Variants in NRXN1 observed in about 807,000 individuals in gnomAD.
The protein encoded by NRXN1 is neurexin 1.
Under a neutral mutation model 150.9 loss-of-function variants are expected in NRXN1, and 39 were observed. The observed-to-expected ratio is 0.26, with a 90% confidence interval of 0.20 to 0.34. The LOEUF (loss-of-function observed/expected upper bound fraction) is 0.34. NRXN1 is among the 10% of genes least tolerant of loss of function. NRXN1 has a pLI of 1.00. For missense variants in NRXN1, 1,815 were observed against 1,949.9 expected, an observed-to-expected ratio of 0.93 and a Z score of 1.30; for synonymous variants, 924 against 757.0, an observed-to-expected ratio of 1.22 and a Z score of -3.62.
intron 17 of NRXN1, among the ~76,000 whole-genome samples, chr2:50,399,566 C>T (rs11690501): frequency 3.3e-5 from 5 of 151,652 alleles, no homozygotes; most frequent in Non-Finnish European, 5.9e-5. Context: ...TTCAAGGGCT[C>T]TAATTCATGG....
intron 17 of NRXN1, among the ~76,000 whole-genome samples, chr2:50,423,909 A>C (rs1292258723): frequency 6.6e-6 from 1 of 152,128 alleles, no homozygotes; most frequent in African/African-American, 2.4e-5. Flanking sequence ...TGCCATAGGC[A>C]ACAGCAGGTC....
intron 21 of NRXN1, chr2:50,022,670 C>A (rs1459937932): frequency 1.3e-5 from 2 of 152,116 alleles, no homozygotes; most frequent in Non-Finnish European, 2.9e-5. Flanking sequence ...TGATTTATTT[C>A]TTCATACTTT....
At chr2:50,389,809 A>G (rs2081568735) in intron 17 of NRXN1, among the ~76,000 whole-genome samples, 2 of 152,200 alleles carry the variant, frequency 1.3e-5, no homozygotes, top group Admixed American at 6.5e-5. Flanking sequence ...GTGGATATAC[A>G]TATCGTTAAA....
At chr2:50,114,888 G>C (rs1423154759) in intron 18 of NRXN1, among the ~76,000 whole-genome samples, 2 of 151,912 alleles carry the variant, frequency 1.3e-5, no homozygotes, top group Non-Finnish European at 2.9e-5. Flanking sequence ...GTAGAGTACA[G>C]AGGATTTTTA....
intron 8 of NRXN1, among the ~76,000 whole-genome samples, chr2:50,612,858 G>A (rs963094102): frequency 3.3e-5 from 5 of 152,044 alleles, no homozygotes; most frequent in Non-Finnish European, 5.9e-5. Flanking sequence ...GTGCGTTATT[G>A]TGAAGACTTT....
Position 50,924,982 on chromosome 2 carries a change from A to G in NRXN1, c.790+956T>C, listed in dbSNP as rs139474620. 7.8e-3 allele frequency among the ~76,000 whole-genome samples: 1,181 copies of G among 151,902 alleles called. 15 individuals are homozygous for G. The highest frequency in any genetic ancestry group is 0.027 in the African/African-American group (1,116 of 41,510). On this transcript the variant is annotated intron_variant, in intron 3 of 22. Coordinates refer to ENST00000401669, the MANE Select transcript of NRXN1 (RefSeq NM_001330078.2). ...GGAAATGTACATTTACAGAATGACT[A>G]TATTTCAAAATATGGTAGTAAAATA...
At chr2:50,132,781 T>C (rs897910078) in intron 18 of NRXN1, among the ~76,000 whole-genome samples, 7 of 151,972 alleles carry the variant, frequency 4.6e-5, no homozygotes, top group South Asian at 4.1e-4. Flanking sequence ...CTAATGTACA[T>C]AGATACTGTG....
intron 5 of NRXN1, among the ~76,000 whole-genome samples, chr2:50,896,214 C>T (rs371455046): frequency 1.3e-3 from 192 of 152,186 alleles, no homozygotes; most frequent in African/African-American, 4.3e-3. Context: ...TATCACTCAA[C>T]GCTACATCTT....
At chr2:50,655,179 A>G (rs536366205) in intron 5 of NRXN1, among the ~76,000 whole-genome samples, 1 of 152,034 alleles carries the variant, frequency 6.6e-6, no homozygotes, top group Non-Finnish European at 1.5e-5. Flanking sequence ...TGTGAAAAGT[A>G]GCAAGCATGG....
chr2:50,372,470 A>C (rs999663425), intron 17 of NRXN1, among the ~76,000 whole-genome samples: 1 of 152,232 alleles, frequency 6.6e-6, no homozygotes, highest in Non-Finnish European at 1.5e-5. Context: ...AGGTTCACCT[A>C]AATAAACACT....
chr2:50,066,547 A>G (rs1009355456), intron 19 of NRXN1, among the ~76,000 whole-genome samples: 3 of 152,200 alleles, frequency 2.0e-5, no homozygotes, highest in Non-Finnish European at 4.4e-5. Context: ...TTAATCCTCA[A>G]AAGGTTGACA....
intron 21 of NRXN1, among the ~76,000 whole-genome samples, chr2:49,962,944 C>A (rs371863462): frequency 2.1e-5 from 3 of 142,912 alleles, no homozygotes; most frequent in African/African-American, 7.9e-5. Context: ...AAATTGAGAG[C>A]CTGCCTCTAA....
chr2:50,932,587 C>G (rs1374627476), intron 2 of NRXN1, among the ~76,000 whole-genome samples: 1 of 151,874 alleles, frequency 6.6e-6, no homozygotes, highest in Non-Finnish European at 1.5e-5. Flanking sequence ...AGGGAAAGGG[C>G]AGGAGAGGAG....
intron 5 of NRXN1, among the ~76,000 whole-genome samples, chr2:50,788,682 T>C (rs1705500293): frequency 6.6e-6 from 1 of 152,018 alleles, no homozygotes; most frequent in South Asian, 2.1e-4. Flanking sequence ...AGGTTATTTC[T>C]GAGAATAAGA....
At chr2:50,269,391 T>C (rs943594520) in intron 17 of NRXN1, among the ~76,000 whole-genome samples, 4 of 152,244 alleles carry the variant, frequency 2.6e-5, no homozygotes, top group African/African-American at 9.6e-5. Flanking sequence ...TAAAAGATAG[T>C]ATGCACTGTA....
At chr2:50,043,356 T>C (rs554601646) in intron 21 of NRXN1, among the ~76,000 whole-genome samples, 4 of 152,286 alleles carry the variant, frequency 2.6e-5, no homozygotes, top group African/African-American at 9.6e-5. Context: ...TTATCTTCTA[T>C]CTTGTATTAG....
chr2:50,470,416 TCAA>T (rs893163020), intron 16 of NRXN1, among the ~76,000 whole-genome samples: 3 of 151,776 alleles, frequency 2.0e-5, no homozygotes, highest in African/African-American at 4.8e-5. Context: ...AAAAATGAAC[TCAA>T]CAACACCTTC....
chr2:50,049,271 G>A (rs1692320076), intron 21 of NRXN1, among the ~76,000 whole-genome samples: 1 of 152,088 alleles, frequency 6.6e-6, no homozygotes, highest in Non-Finnish European at 1.5e-5. Flanking sequence ...GGAAGACAGA[G>A]GTGAAATCTA....
At chr2:50,194,365 T>A (rs1465962024) in intron 18 of NRXN1, among the ~76,000 whole-genome samples, 1 of 152,188 alleles carries the variant, frequency 6.6e-6, no homozygotes, top group Non-Finnish European at 1.5e-5. Context: ...CTTTACTATA[T>A]TATGAACTGA....
Sources: allele counts gnomAD v4.1 joint callset (sites outside exome capture counted in the v4.1 genomes callset), GRCh38; gene constraint gnomAD v4.1.1; transcripts MANE v1.5; gene names NCBI Gene and HGNC (gene_info 2026-07-23, HGNC 2026-07-21).